EPHA4: variants seen among roughly 807,000 people sequenced by gnomAD.
EPHA4 encodes the protein EPH receptor A4, also known as ephrin type-A receptor 4.
A neutral mutation model predicts 108.3 loss-of-function variants in EPHA4; 19 were observed. That is an observed-to-expected ratio of 0.18 (90% CI 0.12 to 0.26). The LOEUF (loss-of-function observed/expected upper bound fraction) is 0.26. EPHA4 is among the 10% of genes least tolerant of loss of function. EPHA4 has a pLI of 1.00. For synonymous variants in EPHA4, 449 were observed against 455.5 expected (o/e 0.99, Z 0.18); for missense variants, 917 against 1,254.0 (o/e 0.73, Z 4.06).
intron 17 of EPHA4, among the ~76,000 whole-genome samples, chr2:221,421,098 C>T (rs2106083412): frequency 6.6e-6 from 1 of 152,198 alleles, no homozygotes; most frequent in East Asian, 1.9e-4. Context: ...GAGATTGAGA[C>T]CATCCTGGCT....
At chr2:221,494,341 C>T (rs1316430969) in intron 4 of EPHA4, among the ~76,000 whole-genome samples, 5 of 152,214 alleles carry the variant, frequency 3.3e-5, no homozygotes, top group Admixed American at 1.3e-4. Context: ...CAGTGACTCA[C>T]GCCTGTAATC....
rs61743680 is a variant in EPHA4 at position 221,456,620 on chromosome 2, G to C, written c.1596C>G (p.Thr532=). The C allele has an allele frequency of 6.5e-5, 105 of 1,613,686 alleles. 2 individuals carry two copies. The Middle Eastern group carries it at 7.1e-3, about 109-fold the overall frequency. ...GDFSEPLEVT[T]NTVPSRIIGD... Reference sequence around the variant, plus strand: ...CTGGGTGGTCCTTGTTACCTGTGTTGGTTGTAACCTCCAAGGGCTCACTGA... The same window carrying C: ...CTGGGTGGTCCTTGTTACCTGTGTTCGTTGTAACCTCCAAGGGCTCACTGA... The change falls in exon 7 of 18, where the codon ACC becomes ACG. Residue 532 remains threonine (T), a synonymous_variant. Transcript: ENST00000281821.
chr2:221,572,026 C>A, intron 1 of EPHA4, 132 bp downstream of exon 1: 1 of 761,198 alleles, frequency 1.3e-6, no homozygotes. Flanking sequence ...GCCTCAGCCC[C>A]CTTCTCCCGA....
chr2:221,535,925 T>C (rs1233568338), intron 3 of EPHA4, among the ~76,000 whole-genome samples: 1 of 152,158 alleles, frequency 6.6e-6, no homozygotes, highest in Non-Finnish European at 1.5e-5. Flanking sequence ...CCTCTGCTCT[T>C]CAAAAATCTT....
chr2:221,460,871 C>T (rs1247558662), intron 5 of EPHA4, among the ~76,000 whole-genome samples: 1 of 152,202 alleles, frequency 6.6e-6, no homozygotes, highest in Non-Finnish European at 1.5e-5. Context: ...TTTGCTGCCA[C>T]ATCCCTCTGC....
chr2:221,530,901 C>T (rs75843691), intron 3 of EPHA4, among the ~76,000 whole-genome samples: 1 of 152,082 alleles, frequency 6.6e-6, no homozygotes, highest in African/African-American at 2.4e-5. Flanking sequence ...CCACCTCCCC[C>T]TCCAAGTACC....
intron 2 of EPHA4, 99 bp downstream of exon 2, chr2:221,568,619 C>A: frequency 1.1e-6 from 1 of 927,930 alleles, no homozygotes; most frequent in East Asian, 2.5e-5. Flanking sequence ...AATCTGACCC[C>A]CTCACCACAA....
chr2:221,477,282 T>C (rs1387764253), intron 5 of EPHA4, among the ~76,000 whole-genome samples: 1 of 152,154 alleles, frequency 6.6e-6, no homozygotes, highest in African/African-American at 2.4e-5. Context: ...GAATCTTCCC[T>C]ATGTGTTCAG....
At chr2:221,445,568 C>T (rs1020213086) in intron 9 of EPHA4, among the ~76,000 whole-genome samples, 30 of 144,462 alleles carry the variant, frequency 2.1e-4, no homozygotes, top group Non-Finnish European at 3.6e-4. Flanking sequence ...CCAGCCTGGC[C>T]GACAGAGCAA....
intron 3 of EPHA4, among the ~76,000 whole-genome samples, chr2:221,533,874 C>T (rs1055020222): frequency 6.6e-6 from 1 of 152,050 alleles, no homozygotes; most frequent in Non-Finnish European, 1.5e-5. Flanking sequence ...GACAGGCAGA[C>T]TCTTTGCCAC....
intron 3 of EPHA4, among the ~76,000 whole-genome samples, chr2:221,520,887 A>T (rs567944208): frequency 2.7e-4 from 41 of 152,364 alleles, no homozygotes; most frequent in Admixed American, 2.7e-3. Flanking sequence ...GAAAAAGTAT[A>T]GAATGACAAA....
chr2:221,468,404 A>G (rs1048674317), intron 5 of EPHA4, among the ~76,000 whole-genome samples: 10 of 152,226 alleles, frequency 6.6e-5, no homozygotes, highest in African/African-American at 2.4e-4. Flanking sequence ...CAAGGCTTCT[A>G]TTCCTTTTGC....
At chr2:221,570,025 C>T (rs1014969173) in intron 1 of EPHA4, among the ~76,000 whole-genome samples, 4 of 150,936 alleles carry the variant, frequency 2.7e-5, no homozygotes, top group African/African-American at 4.9e-5. Flanking sequence ...CCCACCGCAA[C>T]CATTCTCTTC....
chr2:221,462,291 T>G (rs2163247), intron 5 of EPHA4, among the ~76,000 whole-genome samples: 180 of 152,222 alleles, frequency 1.2e-3, no homozygotes, highest in African/African-American at 4.1e-3. Context: ...AATGGAGTCC[T>G]TAATTTTCAA....
intron 2 of EPHA4, among the ~76,000 whole-genome samples, chr2:221,568,294 G>A (rs1361330408): frequency 6.6e-6 from 1 of 152,164 alleles, no homozygotes; most frequent in Non-Finnish European, 1.5e-5. Context: ...GGTACAATTA[G>A]AAATGTCTTC....
chr2:221,501,356 G>A (rs1692484736), intron 3 of EPHA4, 184 bp from the exon 4 acceptor site: 2 of 480,428 alleles, frequency 4.2e-6, no homozygotes, highest in South Asian at 4.7e-5. Context: ...CTCTTTAAGG[G>A]CCATTAACAT....
Position 221,482,558 on chromosome 2 carries a change from G to A in EPHA4, c.1112C>T (p.Ala371Val). 10 of 1,614,056 alleles carry A rather than the reference G, an allele frequency of 6.2e-6. No homozygotes were observed. The highest frequency in any genetic ancestry group is 8.5e-6 in the Non-Finnish European group (10 of 1,179,974). ...SYNVVCKKCG[A>V]GDPSKCRPCG... ...GGGTCGGCACTTGCTGGGGTCACCA[G>A]CTCCACATTTCTTGCATACCACATT... The change falls in exon 5 of 18, where the codon GCT becomes GTT. Residue 371 changes from alanine (A) to valine (V), a missense_variant. Ala to Val is a moderately conservative substitution (Grantham distance 64). Around this residue, in one of 3 missense-constraint regions of EPHA4, gnomAD observed 758 missense variants for 1,076.7 expected, o/e 0.70. Coordinates refer to ENST00000281821, the MANE Select transcript of EPHA4 (RefSeq NM_004438.5).
intron 3 of EPHA4, among the ~76,000 whole-genome samples, chr2:221,544,727 C>T (rs1298476547): frequency 5.9e-5 from 9 of 152,096 alleles, no homozygotes; most frequent in Non-Finnish European, 1.2e-4. Flanking sequence ...CCTAACCCCA[C>T]AATGTGACTA....
At chr2:221,437,757 CA>C (rs538233784) in intron 11 of EPHA4, among the ~76,000 whole-genome samples, 6,552 of 125,694 alleles carry the variant, frequency 0.052, 277 homozygotes, top group African/African-American at 0.11. Flanking sequence ...ACTAAAAATA[CA>C]AAAAAAAAAA....
Sources: allele counts gnomAD v4.1 joint callset (sites outside exome capture counted in the v4.1 genomes callset), GRCh38; gene constraint gnomAD v4.1.1; regional missense constraint gnomAD v4.1.1; transcripts MANE v1.5; gene names NCBI Gene and HGNC (gene_info 2026-07-23, HGNC 2026-07-21).